Variants in GOPC observed in about 807,000 individuals in gnomAD.
The protein encoded by GOPC is golgi associated PDZ and coiled-coil motif containing, also known as Golgi-associated PDZ and coiled-coil motif-containing protein.
A neutral mutation model predicts 51.2 loss-of-function variants in GOPC; 32 were observed. The ratio of observed to expected loss-of-function variants is 0.63; its 90% CI spans 0.47 to 0.84. The LOEUF is 0.84. GOPC is among the 40% of genes least tolerant of loss of function. GOPC has a pLI of 0.00. For synonymous variants in GOPC, 190 were observed against 205.1 expected, an observed-to-expected ratio of 0.93 and a Z score of 0.63; for missense variants, 441 against 555.5, an observed-to-expected ratio of 0.79 and a Z score of 2.07.
In GOPC at chr6:117,561,668, A is replaced by G; in HGVS notation, c.*1586T>C. The stretch of plus-strand genomic sequence containing the variant: ...TTATTCATTTGTACAATTAAATACT[A>G]GCTTTTGCTCAGAGACAATGCTATA... On this transcript the variant is annotated 3_prime_UTR_variant, in exon 9 of 9. Coordinates refer to ENST00000368498, the MANE Select transcript of GOPC (RefSeq NM_020399.4). The G allele has an allele frequency of 4.9e-6, 1 of 203,542 alleles. No individual in the cohort carries two copies. Among genetic ancestry groups the G allele is most frequent in the East Asian group, 7.6e-5 (1 of 13,214 alleles). 12.6% of individuals were successfully genotyped at this position (203,542 alleles called of 1,614,324 possible). A position where few individuals can be genotyped will look rare whatever the true frequency, so the allele number is the denominator to read the frequency against.
intron 7 of GOPC, among the ~76,000 whole-genome samples, chr6:117,569,038 C>G (rs747879414): frequency 6.6e-6 from 1 of 152,174 alleles, no homozygotes. Context: ...GTATGAATCT[C>G]AATTCTATAA....
At chr6:117,564,067 T>G (rs1779644423) in intron 8 of GOPC, among the ~76,000 whole-genome samples, 1 of 151,442 alleles carries the variant, frequency 6.6e-6, no homozygotes. Flanking sequence ...TGCCTTGACC[T>G]CCTAGGCTCA....
At chr6:117,565,620 C>A (rs1779680790) in intron 8 of GOPC, among the ~76,000 whole-genome samples, 2 of 152,150 alleles carry the variant, frequency 1.3e-5, no homozygotes, top group Admixed American at 1.3e-4. Context: ...TTAATATCAT[C>A]ATCAATCTCA....
chr6:117,580,338 T>A (rs1447548336), intron 1 of GOPC, among the ~76,000 whole-genome samples: 1 of 152,128 alleles, frequency 6.6e-6, no homozygotes, highest in East Asian at 1.9e-4. Flanking sequence ...TCAAGTTCCC[T>A]CAGTTTAAAA....
chr6:117,566,745 C>T, intron 8 of GOPC, 109 bp downstream of exon 8: 2 of 637,386 alleles, frequency 3.1e-6, no homozygotes, highest in Non-Finnish European at 5.1e-6. Context: ...CTCTTCATTC[C>T]TTTGATTTCC....
intron 1 of GOPC, among the ~76,000 whole-genome samples, chr6:117,596,402 C>A (rs1316037821): frequency 6.6e-6 from 1 of 152,066 alleles, no homozygotes; most frequent in Admixed American, 6.6e-5. Flanking sequence ...TTAATTAAGT[C>A]CCATCTATTT....
chr6:117,598,547 G>C (rs543344872), intron 1 of GOPC, among the ~76,000 whole-genome samples: 1 of 152,146 alleles, frequency 6.6e-6, no homozygotes. Flanking sequence ...ACAGCGTGGG[G>C]ATGGTTTCAA....
chr6:117,584,819 G>GT (rs1304980640), intron 1 of GOPC, among the ~76,000 whole-genome samples: 2 of 151,632 alleles, frequency 1.3e-5, no homozygotes, highest in African/African-American at 4.9e-5. Context: ...CCCCTTGGTG[G>GT]TAACTGAATT....
chr6:117,569,276 A>G (rs1030330084), intron 7 of GOPC, among the ~76,000 whole-genome samples: 5 of 152,176 alleles, frequency 3.3e-5, no homozygotes, highest in African/African-American at 1.2e-4. Flanking sequence ...TGAGTACTTT[A>G]TATGTATTAA....
chr6:117,571,873 G>A (rs1049617307), intron 5 of GOPC, among the ~76,000 whole-genome samples: 1 of 152,018 alleles, frequency 6.6e-6, no homozygotes, highest in African/African-American at 2.4e-5. Flanking sequence ...TACTTTCCTA[G>A]ATGGCCTGTA....
At chr6:117,591,812 G>A (rs890482171) in intron 1 of GOPC, among the ~76,000 whole-genome samples, 3 of 152,138 alleles carry the variant, frequency 2.0e-5, no homozygotes, top group Admixed American at 6.5e-5. Context: ...GATACAGAAA[G>A]AAGAATGACA....
At chr6:117,593,359 C>T (rs1780147420) in intron 1 of GOPC, among the ~76,000 whole-genome samples, 1 of 152,130 alleles carries the variant, frequency 6.6e-6, no homozygotes, top group African/African-American at 2.4e-5. Context: ...TATTAACTAC[C>T]CCACTCTTTT....
rs1474101434 is a variant in GOPC at position 117,562,133 on chromosome 6, T to A, written c.*1121A>T. The A allele has an allele frequency of 4.8e-6, 1 of 206,578 alleles. No individual in the cohort carries two copies. Among genetic ancestry groups the A allele is most frequent in the Admixed American group, 5.9e-5 (1 of 16,860 alleles). 12.8% of individuals were successfully genotyped at this position (206,578 alleles called of 1,614,324 possible). A position where few individuals can be genotyped will look rare whatever the true frequency, so the allele number is the denominator to read the frequency against. ...AATCAGAGAGGAGGCACTCCATGTT[T>A]AATCATGGGACAACAGACCTAACAA... On this transcript the variant is annotated 3_prime_UTR_variant, in exon 9 of 9. Transcript: ENST00000368498.
chr6:117,575,605 T>C, intron 3 of GOPC: 1 of 647,012 alleles, frequency 1.5e-6, no homozygotes, highest in Non-Finnish European at 2.8e-6. Context: ...TCTAAGCTCA[T>C]GTTATCACAT....
At position 117,563,077 on chromosome 6, in the gene GOPC, C is replaced by A; in HGVS notation, c.*177G>T. 3.5e-6 allele frequency: 2 copies of A among 574,634 alleles called. No individual in the cohort carries two copies. The highest frequency in any genetic ancestry group is 2.2e-5 in the South Asian group (1 of 44,836). 35.6% of individuals were successfully genotyped at this position (574,634 alleles called of 1,614,324 possible). On this transcript the variant is annotated 3_prime_UTR_variant, in exon 9 of 9. Coordinates refer to ENST00000368498, the MANE Select transcript of GOPC (RefSeq NM_020399.4). Reference sequence around the variant, plus strand: ...CATGCAATAGCTAATTATGGTCTACCACAGAAAACAGGGTGTTTTATGCAT... The same window carrying A: ...CATGCAATAGCTAATTATGGTCTACAACAGAAAACAGGGTGTTTTATGCAT...
chr6:117,570,886 G>A lies in GOPC; in HGVS notation c.886C>T (p.His296Tyr). ...IRKVLLLKED[H>Y]EGLGISITGG... ...GTAATTGAAATGCCAAGGCCTTCAT[G>A]ATCTTCCTTAAGGAGGAGAACTTTT... is the stretch of plus-strand genomic sequence containing the variant. Residue 296 changes from histidine (H) to tyrosine (Y), a missense_variant, in exon 6 of 9, where the codon CAT becomes TAT. Coordinates refer to ENST00000368498, the MANE Select transcript of GOPC (RefSeq NM_020399.4). 6.3e-7 allele frequency: 1 copy of A among 1,587,634 alleles called. No individual in the cohort carries two copies. Among genetic ancestry groups the A allele is most frequent in the South Asian group, 1.1e-5 (1 of 87,968 alleles).
In GOPC at chr6:117,563,339, A is replaced by G; in HGVS notation, c.1304T>C (p.Leu435Pro). 6.2e-7 allele frequency: 1 copy of G among 1,613,468 alleles called. No homozygotes were observed. Among genetic ancestry groups the G allele is most frequent in the Non-Finnish European group, 8.5e-7 (1 of 1,179,452 alleles). Residue 435 changes from leucine (L) to proline (P), a missense_variant, in exon 9 of 9, where the codon CTG becomes CCG. This residue lies in a region of GOPC where 71 missense variants were observed against 68.8 expected (regional missense o/e 1.03). Transcript: ENST00000368498. ...AVTDTHENGD[L>P]GTASETPLDD... The stretch of plus-strand genomic sequence containing the variant: ...TAGCGGAGTTTCACTTGCAGTGCCC[A>G]GGTCTCCATTTTCATGTGTGTCAGT...
intron 1 of GOPC, among the ~76,000 whole-genome samples, chr6:117,586,628 C>A (rs887465610): frequency 9.9e-5 from 15 of 151,654 alleles, no homozygotes; most frequent in Non-Finnish European, 1.5e-4. Flanking sequence ...ACTACAGGTG[C>A]CCACCACCAC....
Position 117,578,991 on chromosome 6 carries a change from T to C in GOPC, c.359A>G (p.His120Arg). The stretch of plus-strand genomic sequence containing the variant: ...AGAGTGCAGCTGTAAAAGCTGATCA[T>C]GTACTTCTTTCTCCAAAACAACTTT... ...AEKVVLEKEV[H>R]DQLLQLHSIQ... The change falls in exon 2 of 9, where the codon CAT (histidine) becomes CGT (arginine). Residue 120 changes from histidine to arginine, a missense_variant. Around this residue, in one of 3 missense-constraint regions of GOPC, gnomAD observed 204 missense variants for 219.8 expected, o/e 0.93. Coordinates refer to ENST00000368498, the MANE Select transcript of GOPC (RefSeq NM_020399.4). 1.2e-6 allele frequency: 2 copies of C among 1,612,422 alleles called. No homozygotes were observed. Among genetic ancestry groups the C allele is most frequent in the Non-Finnish European group, 1.7e-6 (2 of 1,179,224 alleles).
Sources: gnomAD v4.1 joint callset for allele counts (sites outside exome capture counted in the v4.1 genomes callset) on GRCh38, gnomAD v4.1.1 for gene constraint, gnomAD v4.1.1 regional missense constraint, MANE v1.5 for transcripts, NCBI Gene and HGNC (gene_info 2026-07-23, HGNC 2026-07-21) for gene names.